Variants in SRP68 observed in about 807,000 individuals in gnomAD.
The protein encoded by SRP68 is signal recognition particle 68.
Under a neutral mutation model 82.2 loss-of-function variants are expected in SRP68, and 15 were observed. The ratio of observed to expected loss-of-function variants is 0.18; its 90% CI spans 0.12 to 0.28. The LOEUF is 0.28. Among genes scored for constraint, SRP68 ranks in the 10% least tolerant of loss-of-function variants. SRP68 has a pLI of 1.00. For synonymous variants in SRP68, 261 were observed against 292.6 expected, an observed-to-expected ratio of 0.89 and a Z score of 1.10; for missense variants, 595 against 780.5, an observed-to-expected ratio of 0.76 and a Z score of 2.83.
At chr17:76,040,659 G>A (rs759836824) in intron 14 of SRP68, 185 bp from the exon 15 acceptor site, 13 of 685,100 alleles carry the variant, frequency 1.9e-5, no homozygotes, top group African/African-American at 3.6e-5. Flanking sequence ...ATCCAATGCC[G>A]TCGGCCCAGT....
chr17:76,053,353 A>C (rs145554693), intron 8 of SRP68: 53 of 518,578 alleles, frequency 1.0e-4, no homozygotes, highest in African/African-American at 9.8e-4. Flanking sequence ...TTTTAATTCC[A>C]TGCAATCCAA....
chr17:76,053,134 G>C (rs938655533), intron 8 of SRP68, among the ~76,000 whole-genome samples: 1 of 151,816 alleles, frequency 6.6e-6, no homozygotes, highest in African/African-American at 2.4e-5. Flanking sequence ...GTGTGGTGGT[G>C]CATGCCTGTG....
chr17:76,059,178 A>T (rs2066733046), intron 7 of SRP68, among the ~76,000 whole-genome samples: 1 of 152,152 alleles, frequency 6.6e-6, no homozygotes, highest in South Asian at 2.1e-4. Context: ...GAGAGCAGGA[A>T]ATCAAGGCAG....
At chr17:76,069,000 T>TATAA (rs1445021398) in intron 2 of SRP68, among the ~76,000 whole-genome samples, 1 of 142,462 alleles carries the variant, frequency 7.0e-6, no homozygotes, top group South Asian at 2.5e-4. Context: ...AAAATATATA[T>TATAA]ATAAATAAAT....
chr17:76,039,242 G>A lies in SRP68; in HGVS notation c.*464C>T, dbSNP rs1013053756. The A allele has an allele frequency of 5.1e-5, 22 of 434,824 alleles. No individual in the cohort carries two copies. In the Middle Eastern group the frequency reaches 1.0e-3, roughly 20 times the overall value. 26.9% of individuals were successfully genotyped at this position (434,824 alleles called of 1,614,324 possible). On this transcript the variant is annotated 3_prime_UTR_variant, in exon 16 of 16. Coordinates refer to ENST00000307877, the MANE Select transcript of SRP68 (RefSeq NM_014230.4). Reference sequence around the variant, plus strand: ...GAGGTGAAGGGGAATAAGGCTGACCGTAATTCTGGGGTGACGTTGCCAGTT... The same window carrying A: ...GAGGTGAAGGGGAATAAGGCTGACCATAATTCTGGGGTGACGTTGCCAGTT...
intron 2 of SRP68, among the ~76,000 whole-genome samples, chr17:76,069,010 TAA>T (rs1181389773): frequency 7.3e-6 from 1 of 136,398 alleles, no homozygotes; most frequent in Non-Finnish European, 1.6e-5. Context: ...TATAAATAAA[TAA>T]ATATATATAT....
At chr17:76,040,782 A>T in intron 14 of SRP68, 121 bp downstream of exon 14, 1 of 957,712 alleles carries the variant, frequency 1.0e-6, no homozygotes, top group Admixed American at 2.0e-5. Context: ...AAGGCCAGGA[A>T]CATCTTACAG....
At chr17:76,063,332 T>C (rs2066783350) in intron 4 of SRP68, among the ~76,000 whole-genome samples, 1 of 152,188 alleles carries the variant, frequency 6.6e-6, no homozygotes, top group Admixed American at 6.6e-5. Context: ...TTTGTGAACT[T>C]TCCAGGTACA....
chr17:76,055,670 C>T (rs960860221), intron 8 of SRP68, among the ~76,000 whole-genome samples: 3 of 150,996 alleles, frequency 2.0e-5, no homozygotes, highest in African/African-American at 4.9e-5. Context: ...AGGAGAATGG[C>T]GTGAACCTGG....
rs987579478 is a variant in SRP68 at position 76,054,873 on chromosome 17, T to C, written c.978+2530A>G. 6.5e-4 allele frequency among the ~76,000 whole-genome samples: 99 copies of C among 151,864 alleles called. 2 individuals carry two copies. The highest frequency in any genetic ancestry group is 1.6e-4 in the Non-Finnish European group (11 of 67,978). Reference sequence around the variant, plus strand: ...AAAAAAACATAAGAACTCTCATGAATATAAAAAACATTAAAAAGAAACAGT... The same window carrying C: ...AAAAAAACATAAGAACTCTCATGAACATAAAAAACATTAAAAAGAAACAGT... On this transcript the variant is annotated intron_variant, in intron 8 of 15. Transcript: ENST00000307877.
Position 76,072,159 on chromosome 17 carries a change from A to G in SRP68, c.184+149T>C. 22 of 1,213,718 alleles carry G rather than the reference A, an allele frequency of 1.8e-5. No homozygotes were observed. The highest frequency in any genetic ancestry group is 2.4e-5 in the Non-Finnish European group (21 of 872,610). The allele number at this position is 1,213,718 out of a possible 1,614,324, so 75.2% of individuals were successfully genotyped here. ...TAGTCGAGAGACAGACCCCCCCCGGAATTCTGAGCACCAAAAGGTAAGGGC... is the reference window on the plus strand; with the variant it reads ...TAGTCGAGAGACAGACCCCCCCCGGGATTCTGAGCACCAAAAGGTAAGGGC... On this transcript the variant is annotated intron_variant, in intron 1 of 15. Coordinates refer to ENST00000307877, the MANE Select transcript of SRP68 (RefSeq NM_014230.4). The surrounding 1 kb of genome is among the most constrained non-coding windows in gnomAD (Gnocchi z 4.5).
In SRP68 at chr17:76,046,141, G is replaced by T. The variant is rs1428738626; in HGVS notation, c.1196C>A (p.Ala399Asp). ...STAIKRNENM[A>D]KGLQRALLQQ... ...CAGCAGAGCCCTCTGCAGACCTTTGGCCATGTTCTCATTACGCTTGATTGC... is the reference window on the plus strand; with the variant it reads ...CAGCAGAGCCCTCTGCAGACCTTTGTCCATGTTCTCATTACGCTTGATTGC... The change falls in exon 11 of 16, where the codon GCC becomes GAC. Residue 399 changes from alanine (A) to aspartate (D), a missense_variant. By Grantham distance (126) the Ala-to-Asp change is moderately radical (BLOSUM62 -2). Coordinates refer to ENST00000307877, the MANE Select transcript of SRP68 (RefSeq NM_014230.4). 6.2e-7 allele frequency: 1 copy of T among 1,613,768 alleles called. No individual in the cohort carries two copies. The highest frequency in any genetic ancestry group is 8.5e-7 in the Non-Finnish European group (1 of 1,179,862).
chr17:76,052,451 G>A (rs1453288971), intron 8 of SRP68, among the ~76,000 whole-genome samples: 3 of 152,102 alleles, frequency 2.0e-5, no homozygotes, highest in Non-Finnish European at 2.9e-5. Flanking sequence ...AATGGCAGGG[G>A]GTGGGAGGCA....
chr17:76,068,075 TG>T (rs894788258), intron 2 of SRP68, among the ~76,000 whole-genome samples: 1 of 151,754 alleles, frequency 6.6e-6, no homozygotes. Flanking sequence ...GCGGATCACT[TG>T]ATGTCAAGAG....
Position 76,067,210 on chromosome 17 carries a change from T to C in SRP68, c.365+7A>G, listed in dbSNP as rs74767531. ...GTAATTTGCAACTAGCATGGAGCAGTCAATACCTATTATCGGTCAGAAGCT... is the reference window on the plus strand; with the variant it reads ...GTAATTTGCAACTAGCATGGAGCAGCCAATACCTATTATCGGTCAGAAGCT... On this transcript the variant is annotated splice_region_variant and intron_variant, in intron 3 of 15. Transcript: ENST00000307877. 3.1e-3 allele frequency: 5,033 copies of C among 1,603,374 alleles called. 136 individuals are homozygous for C. In the African/African-American group the frequency reaches 0.059, roughly 19 times the overall value.
intron 2 of SRP68, among the ~76,000 whole-genome samples, chr17:76,069,773 A>G (rs1312179135): frequency 6.6e-6 from 1 of 150,674 alleles, no homozygotes; most frequent in Non-Finnish European, 1.5e-5. Flanking sequence ...GATTATTTAA[A>G]AGAAAAAAAA....
intron 13 of SRP68, 60 bp downstream of exon 13, chr17:76,043,769 C>T: frequency 1.3e-6 from 2 of 1,515,108 alleles, no homozygotes; most frequent in Admixed American, 2.3e-5. Context: ...CTCACAGCTC[C>T]TCCACAGCTG....
intron 10 of SRP68, among the ~76,000 whole-genome samples, chr17:76,046,655 C>A (rs113842208): frequency 1.3e-5 from 2 of 151,416 alleles, no homozygotes; most frequent in Non-Finnish European, 2.9e-5. Context: ...ACAAAAAAAA[C>A]GGGGGGCCAG....
intron 2 of SRP68, among the ~76,000 whole-genome samples, 177 bp downstream of exon 2, chr17:76,070,201 C>T (rs1297474902): frequency 4.3e-5 from 5 of 117,628 alleles, no homozygotes; most frequent in Non-Finnish European, 8.0e-5. Context: ...TCCAGCCTGG[C>T]GACAGAGCGA....
Sources: gnomAD v4.1 joint callset for allele counts (sites outside exome capture counted in the v4.1 genomes callset) on GRCh38, gnomAD v4.1.1 for gene constraint, Gnocchi (gnomAD v3.1) non-coding constraint, MANE v1.5 for transcripts, NCBI Gene and HGNC (gene_info 2026-07-23, HGNC 2026-07-21) for gene names.